Variants in PTPN22 observed in about 807,000 individuals in gnomAD.
PTPN22 encodes the protein tyrosine-protein phosphatase non-receptor type 22.
In PTPN22, 85 loss-of-function variants were observed where a neutral mutation model predicts 103.3. That is an observed-to-expected ratio of 0.82 (90% CI 0.69 to 0.99). The LOEUF (loss-of-function observed/expected upper bound fraction) is 0.99. PTPN22 is among the 50% of genes least tolerant of loss of function. The pLI, the probability that PTPN22 is intolerant of heterozygous loss-of-function variation, is 0.00. For missense variants in PTPN22, 865 were observed against 936.9 expected (o/e 0.92, Z 1.00); for synonymous variants, 323 against 310.2 (o/e 1.04, Z -0.43).
At chr1:113,854,789 G>T in intron 8 of PTPN22, 118 bp downstream of exon 8, 2 of 1,302,760 alleles carry the variant, frequency 1.5e-6, no homozygotes, top group Non-Finnish European at 2.1e-6. Flanking sequence ...TAATGCTTAG[G>T]TTGAATTTAT....
At chr1:113,850,548 A>G (rs1664492074) in intron 10 of PTPN22, among the ~76,000 whole-genome samples, 1 of 152,348 alleles carries the variant, frequency 6.6e-6, no homozygotes, top group Non-Finnish European at 1.5e-5. Flanking sequence ...ATGCATTTAC[A>G]TGGATCAGCC....
At chr1:113,838,453 G>C (rs776289736) in intron 12 of PTPN22, 46 bp from the exon 13 acceptor site, 1 of 1,585,704 alleles carries the variant, frequency 6.3e-7, no homozygotes, top group African/African-American at 1.4e-5. Flanking sequence ...CCCCAAACAG[G>C]CCGCTTCCTA....
chr1:113,868,924 G>GA (rs1356085169), intron 1 of PTPN22, among the ~76,000 whole-genome samples: 1 of 150,996 alleles, frequency 6.6e-6, no homozygotes, highest in African/African-American at 2.5e-5. Context: ...TTTAAGCAGG[G>GA]AAAAAATGAC....
intron 1 of PTPN22, among the ~76,000 whole-genome samples, chr1:113,867,218 T>C (rs772626794): frequency 6.6e-6 from 1 of 152,232 alleles, no homozygotes; most frequent in Non-Finnish European, 1.5e-5. Context: ...GTAGAAACTA[T>C]ACTAACTATG....
intron 11 of PTPN22, 121 bp downstream of exon 11, chr1:113,848,419 T>C (rs1664280637): frequency 7.2e-7 from 1 of 1,396,800 alleles, no homozygotes. Context: ...TGCAGCCCTA[T>C]GCACACCTGA....
intron 20 of PTPN22, among the ~76,000 whole-genome samples, chr1:113,817,568 G>C (rs1481594652): frequency 1.3e-5 from 2 of 151,936 alleles, no homozygotes; most frequent in African/African-American, 4.8e-5. Context: ...CTCCTGAGTA[G>C]CTGGGACTAC....
chr1:113,839,392 T>C (rs1663315576), intron 11 of PTPN22, among the ~76,000 whole-genome samples: 1 of 151,758 alleles, frequency 6.6e-6, no homozygotes, highest in Admixed American at 6.6e-5. Context: ...TCAATCTTTT[T>C]TTTTTTTTTT....
At chr1:113,819,402 T>G in intron 20 of PTPN22, 175 bp downstream of exon 20, 12 of 392,944 alleles carry the variant, frequency 3.1e-5, no homozygotes, top group South Asian at 7.0e-5. Context: ...TAGTTCTGTG[T>G]GAGATGTTAA....
chr1:113,817,741 T>A (rs1216727189), intron 20 of PTPN22, among the ~76,000 whole-genome samples: 1 of 152,028 alleles, frequency 6.6e-6, no homozygotes, highest in Non-Finnish European at 1.5e-5. Flanking sequence ...AAATGCTGCT[T>A]TTTAAGTAGG....
intron 1 of PTPN22, among the ~76,000 whole-genome samples, chr1:113,870,792 GAGGA>G (rs1666514053): frequency 6.6e-6 from 1 of 152,180 alleles, no homozygotes; most frequent in African/African-American, 2.4e-5. Flanking sequence ...GGCAAGATGG[GAGGA>G]TTGCTTGAAG....
chr1:113,837,547 A>T, intron 13 of PTPN22, 43 bp downstream of exon 13: 1 of 1,381,910 alleles, frequency 7.2e-7, no homozygotes, highest in Non-Finnish European at 1.0e-6. Context: ...ATAGAAACAA[A>T]ATGAAATCTA....
At chr1:113,838,072 G>A (rs1454168526) in exon 13 of PTPN22, 2 of 1,613,784 alleles carry the variant, frequency 1.2e-6, no homozygotes, top group Non-Finnish European at 1.7e-6. Context: ...CCGTGTTATT[G>A]GCACCTTTGA....
intron 9 of PTPN22, 125 bp downstream of exon 9, chr1:113,854,346 G>T: frequency 1.1e-6 from 1 of 881,520 alleles, no homozygotes; most frequent in Non-Finnish European, 1.8e-6. Context: ...TGACAGAGTG[G>T]GTCTACAAGT....
intron 18 of PTPN22, among the ~76,000 whole-genome samples, chr1:113,826,915 CGCCTCG>C (rs1370463246): frequency 2.0e-5 from 3 of 151,672 alleles, no homozygotes; most frequent in African/African-American, 7.3e-5. Flanking sequence ...GTGATCCGCC[CGCCTCG>C]GCCTCCCAAA....
At chr1:113,834,219 G>C in intron 15 of PTPN22, 90 bp downstream of exon 15, 2 of 1,322,450 alleles carry the variant, frequency 1.5e-6, no homozygotes, top group Non-Finnish European at 2.1e-6. Flanking sequence ...ATGTGCTTAG[G>C]ATTTATTGAA....
intron 11 of PTPN22, among the ~76,000 whole-genome samples, chr1:113,840,711 A>G (rs1025837359): frequency 6.6e-6 from 1 of 152,240 alleles, no homozygotes; most frequent in Non-Finnish European, 1.5e-5. Flanking sequence ...TGAATGACAC[A>G]CTACCTGATT....
intron 1 of PTPN22, among the ~76,000 whole-genome samples, chr1:113,867,360 T>C (rs1409535910): frequency 6.6e-6 from 1 of 152,192 alleles, no homozygotes; most frequent in African/African-American, 2.4e-5. Flanking sequence ...AAATTTCATC[T>C]CTATGGCTGA....
At chr1:113,838,519 T>C (rs954099529) in intron 12 of PTPN22, 25 bp downstream of exon 12, 4 of 1,608,888 alleles carry the variant, frequency 2.5e-6, no homozygotes, top group South Asian at 1.1e-5. Flanking sequence ...TTAGTCAACA[T>C]TTAGATATAT....
At chr1:113,849,147 T>A (rs1385383403) in intron 10 of PTPN22, among the ~76,000 whole-genome samples, 1 of 152,186 alleles carries the variant, frequency 6.6e-6, no homozygotes, top group African/African-American at 2.4e-5. Context: ...TTATCCCAGG[T>A]CATTCAGAAG....
Sources: allele counts gnomAD v4.1 joint callset (sites outside exome capture counted in the v4.1 genomes callset), GRCh38; gene constraint gnomAD v4.1.1; transcripts MANE v1.5; gene names NCBI Gene and HGNC (gene_info 2026-07-23, HGNC 2026-07-21).